The following MEI4 variants were observed in gnomAD, a reference collection of about 807,000 sequenced individuals.
MEI4 encodes the protein meiosis-specific protein MEI4.
MEI4 carries 27 observed loss-of-function variants against 31.4 expected under a neutral mutation model. That is an observed-to-expected ratio of 0.86 (90% CI 0.63 to 1.19). MEI4 has a LOEUF of 1.19. MEI4 is among the 50% of genes most tolerant of loss of function. The pLI, the probability that MEI4 is intolerant of heterozygous loss-of-function variation, is 0.00. For synonymous variants in MEI4, 122 were observed against 145.4 expected, an observed-to-expected ratio of 0.84 and a Z score of 1.16; for missense variants, 329 against 398.9, an observed-to-expected ratio of 0.82 and a Z score of 1.49.
At chr6:77,857,340 G>A (rs989195485) in intron 4 of MEI4, among the ~76,000 whole-genome samples, 2 of 152,154 alleles carry the variant, frequency 1.3e-5, no homozygotes, top group African/African-American at 4.8e-5. Context: ...TTTTACTGAT[G>A]AATTCACTGG....
intron 4 of MEI4, among the ~76,000 whole-genome samples, chr6:77,910,812 T>C (rs1766417026): frequency 6.6e-6 from 1 of 152,096 alleles, no homozygotes; most frequent in Non-Finnish European, 1.5e-5. Context: ...ATTGTAATTC[T>C]ATTTTTTGTT....
At chr6:77,763,160 A>C (rs1438694078) in intron 3 of MEI4, among the ~76,000 whole-genome samples, 1 of 152,070 alleles carries the variant, frequency 6.6e-6, no homozygotes, top group Non-Finnish European at 1.5e-5. Context: ...GATAATGTGT[A>C]GAATAAACTA....
intron 3 of MEI4, among the ~76,000 whole-genome samples, chr6:77,826,391 A>T (rs192201483): frequency 2.0e-5 from 3 of 152,304 alleles, no homozygotes; most frequent in Non-Finnish European, 4.4e-5. Flanking sequence ...GACTCCATAT[A>T]ATATTCTGAT....
rs558751512 is a variant in MEI4 at position 77,786,242 on chromosome 6, GTGAC to G, written c.768+24580_768+24583del. ...TACATATATATATATCAAATTTTGA[GTGAC>G]TGTCATGGTAACAGCTGATACTGAG... On this transcript the variant is annotated intron_variant, in intron 3 of 4. Transcript: ENST00000684080. Among the ~76,000 whole-genome samples the G allele has an allele frequency of 6.9e-3, 1,056 of 152,160 alleles. 12 individuals carry two copies. The highest frequency in any genetic ancestry group is 0.024 in the African/African-American group (996 of 41,508).
intron 2 of MEI4, among the ~76,000 whole-genome samples, chr6:77,748,755 C>T (rs1254031508): frequency 6.6e-6 from 1 of 152,206 alleles, no homozygotes; most frequent in Non-Finnish European, 1.5e-5. Context: ...AACTTTTATG[C>T]TCTGTCACCT....
At chr6:77,871,817 C>T (rs1024447612) in intron 4 of MEI4, among the ~76,000 whole-genome samples, 19 of 152,146 alleles carry the variant, frequency 1.2e-4, no homozygotes, top group Admixed American at 8.5e-4. Context: ...CACATTTCTT[C>T]CTCAAGATTT....
rs553919961 is a variant in MEI4 at position 77,878,671 on chromosome 6, T to G, written c.901-44418T>G. 2.6e-5 allele frequency among the ~76,000 whole-genome samples: 4 copies of G among 152,276 alleles called. No homozygotes were observed. In the South Asian group the frequency reaches 8.3e-4, roughly 32 times the overall value. On this transcript the variant is annotated intron_variant, in intron 4 of 4. Transcript: ENST00000684080. ...TTCTGTTTCCTTTTGTTTTCTTTATTTTTTTAATTAACAGATAACACAAAC... is the reference window on the plus strand; with the variant it reads ...TTCTGTTTCCTTTTGTTTTCTTTATGTTTTTAATTAACAGATAACACAAAC...
intron 2 of MEI4, among the ~76,000 whole-genome samples, chr6:77,715,458 T>C (rs887920936): frequency 1.3e-5 from 2 of 152,170 alleles, no homozygotes; most frequent in African/African-American, 4.8e-5. Flanking sequence ...CATAAGAATA[T>C]ATTAGGTTGG....
chr6:77,818,061 A>G (rs955691392), intron 3 of MEI4, among the ~76,000 whole-genome samples: 4 of 152,114 alleles, frequency 2.6e-5, no homozygotes, highest in Non-Finnish European at 5.9e-5. Flanking sequence ...CAGTTTTTCA[A>G]TGTGGCATTA....
intron 3 of MEI4, among the ~76,000 whole-genome samples, chr6:77,826,466 A>C (rs1474509502): frequency 6.6e-6 from 1 of 152,140 alleles, no homozygotes; most frequent in Non-Finnish European, 1.5e-5. Flanking sequence ...TTATTTCCCA[A>C]CTTAGATCAG....
chr6:77,862,064 T>TAA (rs11317423), intron 4 of MEI4, among the ~76,000 whole-genome samples: 6 of 144,118 alleles, frequency 4.2e-5, no homozygotes, highest in African/African-American at 1.3e-4. Context: ...AGCAAAGAAT[T>TAA]AAAAAAAAAA....
chr6:77,856,018 A>G (rs1351677854), intron 4 of MEI4, among the ~76,000 whole-genome samples: 1 of 152,162 alleles, frequency 6.6e-6, no homozygotes. Flanking sequence ...TTTTCTCCTA[A>G]TAAAATTTTC....
chr6:77,683,957 A>C (rs1485179019), intron 1 of MEI4, among the ~76,000 whole-genome samples: 1 of 152,170 alleles, frequency 6.6e-6, no homozygotes, highest in Non-Finnish European at 1.5e-5. Context: ...AGAAATCTCC[A>C]TACTGTTTTC....
upstream of MEI4, among the ~76,000 whole-genome samples, chr6:77,652,713 G>T (rs1198490387): frequency 6.6e-6 from 1 of 152,114 alleles, no homozygotes. Flanking sequence ...CTAGAATCCA[G>T]CTGGCTTATC....
chr6:77,699,427 C>T (rs532471615), intron 2 of MEI4, among the ~76,000 whole-genome samples: 25 of 152,054 alleles, frequency 1.6e-4, no homozygotes, highest in Non-Finnish European at 2.6e-4. Context: ...CTCCTGACCT[C>T]GTGATCCGCC....
rs201232827 is a variant in MEI4, at chr6:77,742,658, C to A, written c.233-18472C>A. On this transcript the variant is annotated intron_variant, in intron 2 of 4. Coordinates refer to ENST00000684080, the MANE Select transcript of MEI4 (RefSeq NM_001322247.2). ...CATTTGTCAATTTTGGCTTTTGTTGCCATTGCTTTTGGTGTTTTAGACCTG... is the reference window on the plus strand; with the variant it reads ...CATTTGTCAATTTTGGCTTTTGTTGACATTGCTTTTGGTGTTTTAGACCTG... Among the ~76,000 whole-genome samples the A allele has an allele frequency of 1.1e-4, 16 of 152,298 alleles. No homozygotes were observed. The East Asian group carries it at 2.5e-3, about 24-fold the overall frequency.
intron 3 of MEI4, among the ~76,000 whole-genome samples, chr6:77,798,812 G>T (rs1224533934): frequency 1.3e-5 from 2 of 151,868 alleles, no homozygotes; most frequent in Admixed American, 6.6e-5. Context: ...TCCCTACAAA[G>T]GACATGAACT....
intron 3 of MEI4, among the ~76,000 whole-genome samples, chr6:77,764,506 C>T (rs893600399): frequency 2.6e-5 from 4 of 152,026 alleles, no homozygotes; most frequent in African/African-American, 9.7e-5. Flanking sequence ...GTTTATTCTT[C>T]ATAGTGGACT....
At chr6:77,814,121 G>A (rs1483272152) in intron 3 of MEI4, among the ~76,000 whole-genome samples, 1 of 151,994 alleles carries the variant, frequency 6.6e-6, no homozygotes, top group Non-Finnish European at 1.5e-5. Context: ...ATCGTCTGGG[G>A]TTCAACAAAC....
Sources: gnomAD v4.1 joint callset for allele counts (sites outside exome capture counted in the v4.1 genomes callset) on GRCh38, gnomAD v4.1.1 for gene constraint, MANE v1.5 for transcripts, NCBI Gene and HGNC (gene_info 2026-07-23, HGNC 2026-07-21) for gene names.